The following REEP1 variants were observed in gnomAD, a reference collection of about 807,000 sequenced individuals.
REEP1 encodes receptor expression-enhancing protein 1.
Under a neutral mutation model 40.3 loss-of-function variants are expected in REEP1, and 22 were observed. That is an observed-to-expected ratio of 0.55 (90% CI 0.39 to 0.78). The LOEUF is 0.78. Among genes scored for constraint, REEP1 ranks in the 30% least tolerant of loss-of-function variants. The pLI is 0.00. For synonymous variants in REEP1, 116 were observed against 139.2 expected (o/e 0.83, Z 1.17); for missense variants, 280 against 361.1 (o/e 0.78, Z 1.82).
At chr2:86,272,048 C>G (rs148004858) in intron 2 of REEP1, among the ~76,000 whole-genome samples, 2 of 152,138 alleles carry the variant, frequency 1.3e-5, no homozygotes, top group African/African-American at 2.4e-5. Context: ...CATGGTGAAA[C>G]CCCGTCTCTG....
intron 1 of REEP1, among the ~76,000 whole-genome samples, chr2:86,298,497 T>A (rs1373042057): frequency 6.6e-6 from 1 of 152,208 alleles, no homozygotes; most frequent in African/African-American, 2.4e-5. Flanking sequence ...AGTGAACACA[T>A]GAAGAGAGCA....
At chr2:86,305,509 G>A (rs1366260417) in intron 1 of REEP1, among the ~76,000 whole-genome samples, 1 of 152,168 alleles carries the variant, frequency 6.6e-6, no homozygotes, top group Non-Finnish European at 1.5e-5. Context: ...CCCTATTCCA[G>A]GAGCTCTCAA....
At chr2:86,231,189 T>A (rs1374845913) in intron 6 of REEP1, among the ~76,000 whole-genome samples, 2 of 152,122 alleles carry the variant, frequency 1.3e-5, no homozygotes, top group Non-Finnish European at 2.9e-5. Flanking sequence ...GACTGAAAGA[T>A]CCCTGAGGTC....
chr2:86,333,063 C>T (rs1217666196), intron 1 of REEP1, among the ~76,000 whole-genome samples: 3 of 152,150 alleles, frequency 2.0e-5, no homozygotes, highest in East Asian at 1.9e-4. Context: ...ACAATTCAAC[C>T]GAAACATTTA....
rs1194118159 is a variant in REEP1 at position 86,215,633 on chromosome 2, C to T, written c.*1406G>A. 1.3e-5 allele frequency: 2 copies of T among 152,552 alleles called. No individual in the cohort carries two copies. The highest frequency in any genetic ancestry group is 6.5e-5 in the Admixed American group (1 of 15,272). The allele number at this position is 152,552 out of a possible 1,614,324, so 9.4% of individuals were successfully genotyped here. On this transcript the variant is annotated 3_prime_UTR_variant, in exon 9 of 9. Coordinates refer to ENST00000538924, the MANE Select transcript of REEP1 (RefSeq NM_001371279.1). ...GCACAAATATATTATTCTTATATTT[C>T]GGCTCAGCTCTCAGTGGGGAGAGCA...
intron 1 of REEP1, among the ~76,000 whole-genome samples, chr2:86,329,373 T>C (rs1311008256): frequency 6.6e-6 from 1 of 152,210 alleles, no homozygotes; most frequent in South Asian, 2.1e-4. Context: ...ACTGCCCTCT[T>C]CTATCCAGTG....
At chr2:86,232,545 T>A in intron 6 of REEP1, 80 bp downstream of exon 6, 1 of 1,529,292 alleles carries the variant, frequency 6.5e-7, no homozygotes. Context: ...CCAGGCTGCA[T>A]GCCACACTGC....
chr2:86,297,593 G>T, intron 1 of REEP1: 2 of 547,552 alleles, frequency 3.7e-6, no homozygotes, highest in South Asian at 8.0e-5. Flanking sequence ...ATGCCACCTA[G>T]CTGGGAGACC....
At chr2:86,281,368 G>A (rs1344601500) in intron 2 of REEP1, among the ~76,000 whole-genome samples, 2 of 152,200 alleles carry the variant, frequency 1.3e-5, no homozygotes, top group Non-Finnish European at 2.9e-5. Flanking sequence ...ACTGTGGCAC[G>A]CCTATAATCC....
chr2:86,306,813 T>A (rs1010531816), intron 1 of REEP1, among the ~76,000 whole-genome samples: 3 of 151,672 alleles, frequency 2.0e-5, no homozygotes, highest in African/African-American at 4.9e-5. Context: ...GGGGAATAAA[T>A]CAGTACTCTG....
chr2:86,229,840 G>A (rs534763435), intron 6 of REEP1, among the ~76,000 whole-genome samples: 5 of 151,980 alleles, frequency 3.3e-5, no homozygotes, highest in South Asian at 4.2e-4. Flanking sequence ...TTGAACTCCC[G>A]ACCTCTGGTG....
At chr2:86,261,303 G>A (rs148026114) in intron 3 of REEP1, among the ~76,000 whole-genome samples, 1 of 152,282 alleles carries the variant, frequency 6.6e-6, no homozygotes, top group East Asian at 1.9e-4. Context: ...TTTCCTTGTG[G>A]GGAAAAGCAA....
intron 2 of REEP1, among the ~76,000 whole-genome samples, chr2:86,266,831 C>T (rs1303374097): frequency 1.3e-5 from 2 of 151,050 alleles, no homozygotes; most frequent in Admixed American, 6.6e-5. Flanking sequence ...CACGATGAAA[C>T]CCCGTCTCCA....
At chr2:86,225,667 A>G (rs569101445) in intron 7 of REEP1, among the ~76,000 whole-genome samples, 1 of 152,384 alleles carries the variant, frequency 6.6e-6, no homozygotes, top group African/African-American at 2.4e-5. Flanking sequence ...CACATAATGC[A>G]GTTTCCTGTC....
At chr2:86,318,698 G>A (rs542412716) in intron 1 of REEP1, among the ~76,000 whole-genome samples, 4 of 152,070 alleles carry the variant, frequency 2.6e-5, no homozygotes, top group South Asian at 2.1e-4. Flanking sequence ...GCACCCGGCC[G>A]AGACCAACAA....
At chr2:86,285,606 G>T (rs1678344366) in intron 1 of REEP1, among the ~76,000 whole-genome samples, 1 of 152,134 alleles carries the variant, frequency 6.6e-6, no homozygotes, top group Non-Finnish European at 1.5e-5. Flanking sequence ...GTGCAGAGCT[G>T]GGATCTGAAC....
intron 1 of REEP1, among the ~76,000 whole-genome samples, chr2:86,308,895 G>GT (rs999841996): frequency 6.6e-6 from 1 of 152,178 alleles, no homozygotes; most frequent in African/African-American, 2.4e-5. Flanking sequence ...GCTGGGCCTT[G>GT]TAACAGTCTA....
At chr2:86,298,764 C>T (rs543661501) in intron 1 of REEP1, among the ~76,000 whole-genome samples, 1 of 152,298 alleles carries the variant, frequency 6.6e-6, no homozygotes, top group Middle Eastern at 3.4e-3. Context: ...GTCACCCTTG[C>T]CATGGTACAT....
intron 5 of REEP1, among the ~76,000 whole-genome samples, chr2:86,237,485 C>G (rs571167914): frequency 1.1e-4 from 16 of 152,232 alleles, no homozygotes; most frequent in African/African-American, 3.1e-4. Context: ...CTAATGCGTT[C>G]CTTTTTATTT....
Sources: gnomAD v4.1 joint callset for allele counts (sites outside exome capture counted in the v4.1 genomes callset) on GRCh38, gnomAD v4.1.1 for gene constraint, MANE v1.5 for transcripts, NCBI Gene and HGNC (gene_info 2026-07-23, HGNC 2026-07-21) for gene names.